PHLPP1: variants seen among roughly 807,000 people sequenced by gnomAD.
PHLPP1 encodes the protein PH domain and leucine rich repeat protein phosphatase 1, also known as PH domain leucine-rich repeat-containing protein phosphatase 1.
Under a neutral mutation model 117.2 loss-of-function variants are expected in PHLPP1, and 42 were observed. The observed-to-expected ratio is 0.36, with a 90% CI of 0.28 to 0.46. PHLPP1 has a LOEUF of 0.46. PHLPP1 is among the 20% of genes least tolerant of loss of function. The probability of loss-of-function intolerance (pLI) is 1.00; values close to 1 mark genes in which losing one functional copy is unlikely to be tolerated. For synonymous variants in PHLPP1, 1,042 were observed against 970.7 expected (o/e 1.07, Z -1.37); for missense variants, 2,084 against 2,241.9 (o/e 0.93, Z 1.42).
chr18:62,962,735 A>G (rs1027939593), intron 13 of PHLPP1, among the ~76,000 whole-genome samples: 4 of 152,208 alleles, frequency 2.6e-5, no homozygotes, highest in Non-Finnish European at 5.9e-5. Context: ...TTAAATACAT[A>G]CAGTTAACTT....
intron 3 of PHLPP1, among the ~76,000 whole-genome samples, chr18:62,846,926 T>C (rs1915196908): frequency 6.6e-6 from 1 of 152,226 alleles, no homozygotes; most frequent in Admixed American, 6.5e-5. Context: ...CTTTTTTCTT[T>C]TTCCTGTAGC....
chr18:62,959,987 G>GA (rs921483472), intron 13 of PHLPP1, among the ~76,000 whole-genome samples: 94 of 151,782 alleles, frequency 6.2e-4, no homozygotes, highest in African/African-American at 2.1e-3. Context: ...TATAAGATGA[G>GA]AAAAAAAATG....
At chr18:62,798,063 C>T (rs1278405788) in intron 1 of PHLPP1, among the ~76,000 whole-genome samples, 3 of 152,170 alleles carry the variant, frequency 2.0e-5, no homozygotes, top group African/African-American at 7.2e-5. Flanking sequence ...TCATTCCCTC[C>T]TTATAATAGT....
rs1355273483 is a variant in PHLPP1, at chr18:62,860,548, C to T, written c.2013C>T (p.Phe671=). The change falls in exon 4 of 17, where the codon TTC becomes TTT. Residue 671 remains phenylalanine (F), a synonymous_variant. Transcript: ENST00000262719. The part of the protein sequence containing the change: ...DLTHLNLKQN[F]LRQNPSLPAA... ...CTCATCTCAATTTAAAACAAAACTT[C>T]CTAAGGCAGAACCCTAGCCTTCCAG... 1 of 1,613,778 alleles carries T rather than the reference C, an allele frequency of 6.2e-7. No individual in the cohort carries two copies. The highest frequency in any genetic ancestry group is 8.5e-7 in the Non-Finnish European group (1 of 1,179,814).
intron 12 of PHLPP1, among the ~76,000 whole-genome samples, chr18:62,951,131 G>T (rs890023590): frequency 6.6e-6 from 1 of 151,878 alleles, no homozygotes; most frequent in Non-Finnish European, 1.5e-5. Context: ...ACAGGTGCCC[G>T]CCACCACGCC....
Position 62,753,411 on chromosome 18 carries a change from G to C in PHLPP1, c.1576+36152G>C, listed in dbSNP as rs746539159. Reference sequence around the variant, plus strand: ...TTTGATTAGAGGAAAATAACTGAAGGCTTGTTTTTATAATAGTAATATAAT... The same window carrying C: ...TTTGATTAGAGGAAAATAACTGAAGCCTTGTTTTTATAATAGTAATATAAT... On this transcript the variant is annotated intron_variant, in intron 1 of 16. Transcript: ENST00000262719. Among the ~76,000 whole-genome samples, 5 of 152,260 alleles carry C rather than the reference G, an allele frequency of 3.3e-5. No homozygotes were observed. The South Asian group carries it at 6.2e-4, about 19-fold the overall frequency.
intron 1 of PHLPP1, among the ~76,000 whole-genome samples, chr18:62,808,539 A>C (rs1034376918): frequency 2.1e-5 from 3 of 143,654 alleles, no homozygotes; most frequent in Non-Finnish European, 4.7e-5. Context: ...TTTAGAATTC[A>C]TCTCTCTGTT....
intron 1 of PHLPP1, among the ~76,000 whole-genome samples, chr18:62,718,888 G>T (rs1910838788): frequency 6.6e-6 from 1 of 152,144 alleles, no homozygotes; most frequent in African/African-American, 2.4e-5. Flanking sequence ...AAGGTTTTGG[G>T]TGTCACAGTT....
At chr18:62,856,602 A>T (rs142172557) in intron 3 of PHLPP1, among the ~76,000 whole-genome samples, 96 of 151,974 alleles carry the variant, frequency 6.3e-4, no homozygotes, top group East Asian at 4.1e-3. Context: ...TAATTAAAAA[A>T]TTTTTTTATT....
chr18:62,852,408 A>G (rs568296264), intron 3 of PHLPP1, among the ~76,000 whole-genome samples: 137 of 152,174 alleles, frequency 9.0e-4, no homozygotes, highest in African/African-American at 3.2e-3. Context: ...CAGTGGCCCA[A>G]TCTCGGCTCA....
At chr18:62,720,780 A>G (rs1276322119) in intron 1 of PHLPP1, among the ~76,000 whole-genome samples, 2 of 151,944 alleles carry the variant, frequency 1.3e-5, no homozygotes, top group East Asian at 1.9e-4. Flanking sequence ...AGTACATGCC[A>G]CCCTTCACTA....
rs200507165 is a variant in PHLPP1, at chr18:62,768,510, CA to C, written c.1576+51255del. ...TCTGTAAACAACAGAAACAGTACAA[CA>C]AAAGTTTCTTTAACAACCATACCTA... On this transcript the variant is annotated intron_variant, in intron 1 of 16. Coordinates refer to ENST00000262719, the MANE Select transcript of PHLPP1 (RefSeq NM_194449.4). 2.7e-3 allele frequency among the ~76,000 whole-genome samples: 417 copies of C among 152,220 alleles called. 9 individuals carry two copies. The highest frequency in any genetic ancestry group is 0.025 in the Admixed American group (383 of 15,302).
chr18:62,922,116 T>TTTTTG (rs1909486938), intron 10 of PHLPP1, among the ~76,000 whole-genome samples: 1 of 151,278 alleles, frequency 6.6e-6, no homozygotes, highest in African/African-American at 2.4e-5. Flanking sequence ...GTTTTGGGTT[T>TTTTTG]TTTGTTTGTT....
Position 62,739,231 on chromosome 18 carries a change from G to A in PHLPP1, c.1576+21972G>A, listed in dbSNP as rs575726966. On this transcript the variant is annotated intron_variant, in intron 1 of 16. Coordinates refer to ENST00000262719, the MANE Select transcript of PHLPP1 (RefSeq NM_194449.4). ...AGGAAAGGCCTTAGGAAGCAACTCC[G>A]AAGAATGCCTATATTTAAAAAGTAG... Among the ~76,000 whole-genome samples the A allele has an allele frequency of 7.9e-5, 12 of 152,282 alleles. No homozygotes were observed. The East Asian group carries it at 1.7e-3, about 22-fold the overall frequency.
In PHLPP1 at chr18:62,979,352, C is replaced by T. The variant is rs1380933586; in HGVS notation, c.5075C>T (p.Pro1692Leu). 44 of 1,547,826 alleles carry T rather than the reference C, an allele frequency of 2.8e-5. No individual in the cohort carries two copies. Among genetic ancestry groups the T allele is most frequent in the Non-Finnish European group, 3.7e-5 (42 of 1,143,360 alleles). The part of the protein sequence containing the change: ...QEQQQQQQPP[P>L]PPQLQPQLPR... ...CAACAGCAGCAGCAGCAGCCGCCAC[C>T]ACCCCCTCAGCTCCAGCCGCAGCTG... Residue 1692 changes from proline to leucine, a missense_variant, in exon 17 of 17, where the codon CCA becomes CTA. By Grantham distance (98) the Pro-to-Leu change is moderately conservative (BLOSUM62 -3). Transcript: ENST00000262719.
At chr18:62,730,667 C>G (rs547653243) in intron 1 of PHLPP1, among the ~76,000 whole-genome samples, 5 of 150,970 alleles carry the variant, frequency 3.3e-5, no homozygotes, top group African/African-American at 9.7e-5. Context: ...ACTAAAAATA[C>G]AAAAAAATCA....
At chr18:62,874,778 G>A (rs966612215) in intron 4 of PHLPP1, among the ~76,000 whole-genome samples, 7 of 152,350 alleles carry the variant, frequency 4.6e-5, no homozygotes, top group Admixed American at 1.3e-4. Context: ...GGATGTGGGA[G>A]GAAGTGAGTA....
intron 3 of PHLPP1, among the ~76,000 whole-genome samples, chr18:62,847,394 T>C (rs563231130): frequency 1.3e-5 from 2 of 152,330 alleles, no homozygotes; most frequent in South Asian, 4.1e-4. Context: ...TCATGTGTTC[T>C]TGGTGGAACT....
chr18:62,935,308 GAATA>G (rs1425240392), intron 10 of PHLPP1, among the ~76,000 whole-genome samples: 2 of 152,122 alleles, frequency 1.3e-5, no homozygotes, highest in South Asian at 2.1e-4. Flanking sequence ...GGTTACTTAA[GAATA>G]AATAAGAAAT....
Sources: gnomAD v4.1 joint callset for allele counts (sites outside exome capture counted in the v4.1 genomes callset) on GRCh38, gnomAD v4.1.1 for gene constraint, MANE v1.5 for transcripts, NCBI Gene and HGNC (gene_info 2026-07-23, HGNC 2026-07-21) for gene names.